GRIK2: variants seen among roughly 807,000 people sequenced by gnomAD.
GRIK2 encodes the protein glutamate ionotropic receptor kainate type subunit 2.
A neutral mutation model predicts 100.3 loss-of-function variants in GRIK2; 32 were observed. The ratio of observed to expected loss-of-function variants is 0.32; its 90% CI spans 0.24 to 0.43. The LOEUF (loss-of-function observed/expected upper bound fraction) is 0.43, where lower values mean the gene tolerates loss of function less well. GRIK2 is among the 20% of genes least tolerant of loss of function. The pLI is 1.00. For synonymous variants in GRIK2, 417 were observed against 389.4 expected (o/e 1.07, Z -0.83); for missense variants, 843 against 1,114.9 (o/e 0.76, Z 3.47).
intron 14 of GRIK2, among the ~76,000 whole-genome samples, chr6:101,974,305 T>A (rs924816704): frequency 8.6e-5 from 13 of 151,986 alleles, no homozygotes; most frequent in African/African-American, 2.7e-4. Context: ...ATGTGCAAGA[T>A]TCTGTGGAAA....
chr6:101,820,048 T>C (rs1781861357), intron 10 of GRIK2, among the ~76,000 whole-genome samples: 1 of 152,184 alleles, frequency 6.6e-6, no homozygotes, highest in Admixed American at 6.6e-5. Context: ...TCAGGAACCG[T>C]GTGTTTTAAT....
At position 101,806,882 on chromosome 6, in the gene GRIK2, A is replaced by G. The variant is rs1025946173; in HGVS notation, c.1203+4444A>G. On this transcript the variant is annotated intron_variant, in intron 9 of 16. Transcript: ENST00000369134. ...ACTCTATCAAAGTACACAATTATTTATTCACGTGAACTTTATAAAAGGGCT... is the reference window on the plus strand; with the variant it reads ...ACTCTATCAAAGTACACAATTATTTGTTCACGTGAACTTTATAAAAGGGCT... Among the ~76,000 whole-genome samples the G allele has an allele frequency of 2.3e-4, 35 of 151,692 alleles. 1 individual carries two copies.
chr6:101,660,637 T>C (rs145235638), intron 4 of GRIK2, among the ~76,000 whole-genome samples: 4 of 152,326 alleles, frequency 2.6e-5, no homozygotes, highest in Middle Eastern at 3.4e-3. Context: ...CTGATGTTGG[T>C]GACCTTCTGA....
rs1315524835 is a variant in GRIK2, at chr6:102,006,390, A to ATATATATAT, written c.2086-28950_2086-28949insATATATATT. 2.5e-3 allele frequency among the ~76,000 whole-genome samples: 286 copies of ATATATATAT among 114,066 alleles called. 1 individual carries two copies. The highest frequency in any genetic ancestry group is 0.012 in the African/African-American group (271 of 21,882). 74.8% of individuals were successfully genotyped at this position (114,066 alleles called of 152,430 possible). Reference sequence around the variant, plus strand: ...CTTTTATATATATATATATATATATATTTTTTTTTTTTTTGAGACATACAG... The same window carrying ATATATATAT: ...CTTTTATATATATATATATATATATATATATATATTTTTTTTTTTTTTTGAGACATACAG... On this transcript the variant is annotated intron_variant, in intron 14 of 16. Coordinates refer to ENST00000369134, the MANE Select transcript of GRIK2 (RefSeq NM_021956.5).
At chr6:101,503,604 G>A (rs1773878433) in intron 2 of GRIK2, among the ~76,000 whole-genome samples, 1 of 152,090 alleles carries the variant, frequency 6.6e-6, no homozygotes, top group Non-Finnish European at 1.5e-5. Flanking sequence ...TCTTCTGGAT[G>A]TTTTGCTGAG....
At chr6:102,048,096 G>T (rs1045335427) in intron 15 of GRIK2, among the ~76,000 whole-genome samples, 1 of 150,986 alleles carries the variant, frequency 6.6e-6, no homozygotes, top group Non-Finnish European at 1.5e-5. Flanking sequence ...AAACTATCAA[G>T]AACACCCAAT....
intron 7 of GRIK2, among the ~76,000 whole-genome samples, chr6:101,780,517 G>C (rs1444548010): frequency 6.6e-6 from 1 of 152,124 alleles, no homozygotes; most frequent in Non-Finnish European, 1.5e-5. Context: ...GATAATGCAT[G>C]TAAAGAAATC....
chr6:102,014,294 C>T (rs1795712917), intron 14 of GRIK2, among the ~76,000 whole-genome samples: 1 of 151,386 alleles, frequency 6.6e-6, no homozygotes, highest in South Asian at 2.1e-4. Flanking sequence ...GTAATAATCC[C>T]TTCATTATTT....
intron 2 of GRIK2, among the ~76,000 whole-genome samples, chr6:101,498,742 G>C (rs1356279136): frequency 6.6e-6 from 1 of 151,764 alleles, no homozygotes; most frequent in Non-Finnish European, 1.5e-5. Context: ...AAATTTGTTT[G>C]AGTTCATTGT....
chr6:101,633,442 G>A lies in GRIK2; in HGVS notation c.541+6805G>A, dbSNP rs185715598. Among the ~76,000 whole-genome samples the A allele has an allele frequency of 1.8e-4, 27 of 152,228 alleles. 1 individual carries two copies. In the East Asian group the frequency reaches 4.4e-3, roughly 25 times the overall value. On this transcript the variant is annotated intron_variant, in intron 4 of 16. Coordinates refer to ENST00000369134, the MANE Select transcript of GRIK2 (RefSeq NM_021956.5). ...CTGAGAGTTGATGCATGTATAAGGT[G>A]AGGATAATATGTGTCATACTTCACA...
At chr6:102,043,967 G>A (rs1770738335) in intron 15 of GRIK2, among the ~76,000 whole-genome samples, 1 of 151,800 alleles carries the variant, frequency 6.6e-6, no homozygotes, top group Admixed American at 6.6e-5. Context: ...TGATTGTGAG[G>A]CCTCCCTAAC....
At chr6:101,700,044 G>A (rs562341718) in intron 7 of GRIK2, among the ~76,000 whole-genome samples, 82 of 152,034 alleles carry the variant, frequency 5.4e-4, no homozygotes, top group African/African-American at 2.0e-3. Flanking sequence ...CAGCTCTTTG[G>A]CAGTCTGAGG....
At chr6:101,785,312 C>T (rs1336355642) in intron 7 of GRIK2, among the ~76,000 whole-genome samples, 2 of 152,070 alleles carry the variant, frequency 1.3e-5, no homozygotes, top group Admixed American at 6.6e-5. Flanking sequence ...TTTTATGTCC[C>T]ATATGGCTTT....
chr6:101,881,645 C>T (rs1786252290), intron 11 of GRIK2, among the ~76,000 whole-genome samples: 1 of 151,330 alleles, frequency 6.6e-6, no homozygotes, highest in Non-Finnish European at 1.5e-5. Flanking sequence ...AATATAAATT[C>T]CAGCTAGCCT....
intron 12 of GRIK2, among the ~76,000 whole-genome samples, chr6:101,911,524 A>G (rs75091043): frequency 5.3e-5 from 8 of 151,540 alleles, no homozygotes; most frequent in African/African-American, 1.7e-4. Context: ...TATCCTAGAC[A>G]GCCTTTAAAC....
At chr6:102,047,928 T>C (rs1770981586) in intron 15 of GRIK2, among the ~76,000 whole-genome samples, 1 of 151,636 alleles carries the variant, frequency 6.6e-6, no homozygotes, top group Admixed American at 6.6e-5. Flanking sequence ...AAAATAAAGC[T>C]AGAGGCATCA....
At chr6:101,539,169 G>T (rs1468714361) in intron 2 of GRIK2, among the ~76,000 whole-genome samples, 1 of 151,608 alleles carries the variant, frequency 6.6e-6, no homozygotes, top group African/African-American at 2.4e-5. Flanking sequence ...AAAAATAAAA[G>T]CTTCTGAAGG....
intron 2 of GRIK2, among the ~76,000 whole-genome samples, chr6:101,428,234 T>C (rs746964902): frequency 6.6e-6 from 1 of 152,228 alleles, no homozygotes; most frequent in Non-Finnish European, 1.5e-5. Context: ...AATTACCTTG[T>C]TGTCTACTCT....
intron 12 of GRIK2, among the ~76,000 whole-genome samples, chr6:101,902,281 G>A (rs1216392391): frequency 6.6e-6 from 1 of 151,900 alleles, no homozygotes; most frequent in Admixed American, 6.6e-5. Context: ...TCAAGAGAAG[G>A]GAAAAACAGT....
Sources: gnomAD v4.1 joint callset for allele counts (sites outside exome capture counted in the v4.1 genomes callset) on GRCh38, gnomAD v4.1.1 for gene constraint, MANE v1.5 for transcripts, NCBI Gene and HGNC (gene_info 2026-07-23, HGNC 2026-07-21) for gene names.